The following FRMPD2 variants were observed in gnomAD, a reference collection of about 807,000 sequenced individuals.
FRMPD2 encodes the protein FERM and PDZ domain-containing protein 2.
A neutral mutation model predicts 140.1 loss-of-function variants in FRMPD2; 96 were observed. The ratio of observed to expected loss-of-function variants is 0.69; its 90% CI spans 0.58 to 0.81. The LOEUF (loss-of-function observed/expected upper bound fraction) is 0.81. Ranked by LOEUF, FRMPD2 falls within the 40% of genes least tolerant of loss-of-function variation. The probability of loss-of-function intolerance (pLI) is 0.00; values close to 1 mark genes in which losing one functional copy is unlikely to be tolerated. For synonymous variants in FRMPD2, 449 were observed against 547.6 expected (o/e 0.82, Z 2.52); for missense variants, 1,240 against 1,447.4 (o/e 0.86, Z 2.32).
intron 1 of FRMPD2, among the ~76,000 whole-genome samples, chr10:48,262,621 A>T (rs1041762410): frequency 6.6e-6 from 1 of 152,174 alleles, no homozygotes; most frequent in Non-Finnish European, 1.5e-5. Flanking sequence ...GTTAAACTAG[A>T]CACACTGCCA....
chr10:48,182,111 G>T (rs1838567279), intron 20 of FRMPD2, among the ~76,000 whole-genome samples: 1 of 152,022 alleles, frequency 6.6e-6, no homozygotes, highest in South Asian at 2.1e-4. Flanking sequence ...CATGCTGAAT[G>T]AATTCAATTT....
At chr10:48,264,965 A>G (rs979998680) in intron 1 of FRMPD2, among the ~76,000 whole-genome samples, 4 of 152,188 alleles carry the variant, frequency 2.6e-5, no homozygotes, top group Admixed American at 6.5e-5. Context: ...TTTAAACTAC[A>G]CTACTGGGCT....
chr10:48,227,366 G>C (rs567834385), intron 10 of FRMPD2, among the ~76,000 whole-genome samples: 189 of 152,176 alleles, frequency 1.2e-3, no homozygotes, highest in Non-Finnish European at 2.4e-3. Context: ...TCCACCAGCT[G>C]GGTGGTGGAG....
At position 48,249,043 on chromosome 10, in the gene FRMPD2, T is replaced by A. The variant is rs367825595; in HGVS notation, c.287A>T (p.Asp96Val). The change falls in exon 3 of 29, where the codon GAT (aspartate) becomes GTT (valine). Residue 96 changes from aspartate (D) to valine (V), a missense_variant. This residue lies in a region of FRMPD2 where 1,161 missense variants were observed against 1,055.9 expected (regional missense o/e 1.10). Coordinates refer to ENST00000374201, the MANE Select transcript of FRMPD2 (RefSeq NM_001018071.4). ...TACCTGAGATGCATCAGGCTGCTCA[T>A]CCTCACTCTGTCCCTGTAGCAGTTC... ...APELLQGQSE[D>V]EQPDASQMHV... 1.1e-5 allele frequency: 18 copies of A among 1,613,030 alleles called. No homozygotes were observed. The highest frequency in any genetic ancestry group is 1.1e-4 in the East Asian group (5 of 44,850).
chr10:48,184,587 A>T lies in FRMPD2; in HGVS notation c.2563T>A (p.Leu855Ile). The T allele has an allele frequency of 1.2e-6, 2 of 1,609,522 alleles. No homozygotes were observed. Among genetic ancestry groups the T allele is most frequent in the South Asian group, 2.2e-5 (2 of 90,992 alleles). Residue 855 changes from leucine to isoleucine, a missense_variant, in exon 20 of 29, where the codon TTA (leucine) becomes ATA (isoleucine). Coordinates refer to ENST00000374201, the MANE Select transcript of FRMPD2 (RefSeq NM_001018071.4). ...ATACCTTTTGACTGAGAAATAATTA[A>T]TTCTATGTTGTCAGGGGAATTCTGG... ...MIQNSPDNIE[L>I]IISQSKGVGG... is the part of the protein sequence containing the mutation.
At chr10:48,180,043 A>G (rs1386816524) in intron 21 of FRMPD2, among the ~76,000 whole-genome samples, 1 of 152,122 alleles carries the variant, frequency 6.6e-6, no homozygotes, top group East Asian at 1.9e-4. Context: ...TGCTCTTTGT[A>G]GAGGGGCACA....
intron 8 of FRMPD2, among the ~76,000 whole-genome samples, chr10:48,237,334 A>C (rs1206988280): frequency 6.6e-6 from 1 of 152,124 alleles, no homozygotes; most frequent in Admixed American, 6.5e-5. Context: ...AAGCCAAAGG[A>C]GGTGGACAAA....
At position 48,185,598 on chromosome 10, in the gene FRMPD2, C is replaced by T. The variant is rs748676341; in HGVS notation, c.2314G>A (p.Glu772Lys). ...CGTTTCAGTGTCACACGTACAATTT[C>T]TCGGCCCGGTTCAGCTATAAAGCTC... ...RKSFIAEPGR[E>K]IVRVTLKRDP... is the part of the protein sequence containing the mutation. The change falls in exon 18 of 29, where the codon GAA becomes AAA. Residue 772 changes from glutamate (E) to lysine (K), a missense_variant. Transcript: ENST00000374201. 6.2e-7 allele frequency: 1 copy of T among 1,614,134 alleles called. No individual in the cohort carries two copies. Among genetic ancestry groups the T allele is most frequent in the South Asian group, 1.1e-5 (1 of 91,082 alleles).
At chr10:48,210,927 T>A (rs953220374) in intron 13 of FRMPD2, among the ~76,000 whole-genome samples, 1 of 152,224 alleles carries the variant, frequency 6.6e-6, no homozygotes, top group African/African-American at 2.4e-5. Flanking sequence ...GCTCCCCCAA[T>A]CAAATGGCCC....
At chr10:48,159,841 ACCGATAAGTGTAAG>A (rs1564410641) in intron 28 of FRMPD2, among the ~76,000 whole-genome samples, 1 of 151,766 alleles carries the variant, frequency 6.6e-6, no homozygotes, top group Middle Eastern at 3.4e-3. Flanking sequence ...CAACTTTCCA[ACCGATAAGTGTAAG>A]CCTTGAAGTG....
chr10:48,160,632 AC>A (rs1837911265), intron 28 of FRMPD2, among the ~76,000 whole-genome samples: 1 of 125,034 alleles, frequency 8.0e-6, no homozygotes, highest in Non-Finnish European at 1.7e-5. Flanking sequence ...GTAAGTGGCA[AC>A]GCTGAAACCA....
chr10:48,185,676 C>T (rs550147256), intron 17 of FRMPD2, 31 bp from the exon 18 acceptor site: 25 of 1,544,016 alleles, frequency 1.6e-5, no homozygotes, highest in Admixed American at 8.3e-5. Context: ...CCACATTGTG[C>T]TTTTCCCCCA....
At chr10:48,200,151 TATAAATAAATAAATAAATAAATAA>T (rs201958134) in intron 15 of FRMPD2, among the ~76,000 whole-genome samples, 9 of 135,518 alleles carry the variant, frequency 6.6e-5, no homozygotes, top group Admixed American at 3.6e-4. Flanking sequence ...AGCTAAAAAA[TATAAATAAATAAATAAATAAATAA>T]ATAAATAAAT....
intron 2 of FRMPD2, among the ~76,000 whole-genome samples, chr10:48,251,119 G>A (rs186404074): frequency 1.9e-4 from 29 of 152,230 alleles, no homozygotes; most frequent in Middle Eastern, 3.4e-3. Flanking sequence ...GCCTTCTGAT[G>A]GGGCACAGAC....
rs1309209751 is a variant in FRMPD2 at position 48,222,369 on chromosome 10, G to C, written c.1399C>G (p.Leu467Val). 1 of 1,614,220 alleles carries C rather than the reference G, an allele frequency of 6.2e-7. No individual in the cohort carries two copies. The highest frequency in any genetic ancestry group is 1.3e-5 in the African/African-American group (1 of 75,060). The change falls in exon 12 of 29, where the codon CTG becomes GTG. Residue 467 changes from leucine to valine, a missense_variant. Leu to Val is a conservative substitution (Grantham distance 32, BLOSUM62 1). Around this residue, in one of 6 missense-constraint regions of FRMPD2, gnomAD observed 1,161 missense variants for 1,055.9 expected, o/e 1.10. Coordinates refer to ENST00000374201, the MANE Select transcript of FRMPD2 (RefSeq NM_001018071.4). ...AAGGCAAGGACCCCCAGCTGCAGCA[G>C]TATCTCTTCATTGCAGTACAGCCTC... ...EERLYCNEEI[L>V]LQLGVLALQA...
At chr10:48,263,050 A>G (rs1403361068) in intron 1 of FRMPD2, among the ~76,000 whole-genome samples, 1 of 152,186 alleles carries the variant, frequency 6.6e-6, no homozygotes, top group African/African-American at 2.4e-5. Context: ...ATTAAACAAC[A>G]CACTTCTAAA....
intron 9 of FRMPD2, 122 bp downstream of exon 9, chr10:48,236,360 G>A: frequency 1.2e-6 from 1 of 808,850 alleles, no homozygotes; most frequent in Non-Finnish European, 2.1e-6. Context: ...CAGAGGTCTG[G>A]GGGAAACTGA....
At chr10:48,236,643 C>G in intron 8 of FRMPD2, 90 bp from the exon 9 acceptor site, 1 of 1,155,650 alleles carries the variant, frequency 8.7e-7, no homozygotes, top group Non-Finnish European at 1.3e-6. Flanking sequence ...CTGCAGCCCC[C>G]ACCAGCATAC....
chr10:48,239,583 C>A, intron 7 of FRMPD2, 22 bp downstream of exon 7: 2 of 1,593,950 alleles, frequency 1.3e-6, no homozygotes, highest in Non-Finnish European at 1.7e-6. Flanking sequence ...GTTCACAGCA[C>A]CCTTTAGGCC....
Sources: gnomAD v4.1 joint callset for allele counts (sites outside exome capture counted in the v4.1 genomes callset) on GRCh38, gnomAD v4.1.1 for gene constraint, gnomAD v4.1.1 regional missense constraint, MANE v1.5 for transcripts, NCBI Gene and HGNC (gene_info 2026-07-23, HGNC 2026-07-21) for gene names.